CMKLR2: variants seen among roughly 807,000 people sequenced by gnomAD.
CMKLR2 encodes the protein chemerin chemokine-like receptor 2, also known as chemerin-like receptor 2.
Under a neutral mutation model 23.0 loss-of-function variants are expected in CMKLR2, and 18 were observed. The ratio of observed to expected loss-of-function variants is 0.78; its 90% confidence interval spans 0.54 to 1.16. The LOEUF (loss-of-function observed/expected upper bound fraction) is 1.16. CMKLR2 is among the 50% of genes most tolerant of loss of function. The probability of loss-of-function intolerance (pLI) is 0.00; values close to 1 mark genes in which losing one functional copy is unlikely to be tolerated. For missense variants in CMKLR2, 401 were observed against 412.7 expected (o/e 0.97, Z 0.25); for synonymous variants, 158 against 158.9 (o/e 0.99, Z 0.05).
chr2:206,201,268 T>G (rs1399263407), intron 1 of CMKLR2, among the ~76,000 whole-genome samples: 1 of 152,222 alleles, frequency 6.6e-6, no homozygotes, highest in African/African-American at 2.4e-5. Flanking sequence ...ACACCTGCCC[T>G]GAACTTTATG....
At chr2:206,206,896 C>T (rs978962492) in intron 1 of CMKLR2, among the ~76,000 whole-genome samples, 8 of 146,414 alleles carry the variant, frequency 5.5e-5, no homozygotes, top group Non-Finnish European at 1.0e-4. Flanking sequence ...TCCATTAGTT[C>T]CTGTTTCAGT....
chr2:206,187,110 G>T (rs1221909385), intron 1 of CMKLR2, among the ~76,000 whole-genome samples: 1 of 152,080 alleles, frequency 6.6e-6, no homozygotes, highest in Non-Finnish European at 1.5e-5. Context: ...ATTTTGGGAG[G>T]CCAAGACGGG....
intron 1 of CMKLR2, among the ~76,000 whole-genome samples, chr2:206,211,523 A>G (rs1689561086): frequency 6.6e-6 from 1 of 151,872 alleles, no homozygotes; most frequent in Non-Finnish European, 1.5e-5. Flanking sequence ...CAGAGTCTCT[A>G]CTAAAGGCTG....
chr2:206,217,060 T>A (rs1363863042), upstream of CMKLR2, among the ~76,000 whole-genome samples: 1 of 152,240 alleles, frequency 6.6e-6, no homozygotes, highest in Non-Finnish European at 1.5e-5. Context: ...TTAATTTTTG[T>A]CAGTGATCAT....
At chr2:206,195,101 A>G (rs889821805) in intron 1 of CMKLR2, among the ~76,000 whole-genome samples, 1 of 152,190 alleles carries the variant, frequency 6.6e-6, no homozygotes, top group Non-Finnish European at 1.5e-5. Flanking sequence ...AAACAAAGGT[A>G]GCAACTGCAA....
intron 1 of CMKLR2, among the ~76,000 whole-genome samples, chr2:206,193,662 GAAGC>G (rs1267008078): frequency 6.6e-6 from 1 of 152,150 alleles, no homozygotes; most frequent in East Asian, 1.9e-4. Context: ...ACTGATTTTG[GAAGC>G]AAGCATCATA....
chr2:206,194,492 T>C (rs1688854659), intron 1 of CMKLR2, among the ~76,000 whole-genome samples: 1 of 143,904 alleles, frequency 6.9e-6, no homozygotes, highest in Non-Finnish European at 1.5e-5. Context: ...AGAATATCGC[T>C]CTGTCACCCA....
chr2:206,181,613 C>T (rs968139370), intron 1 of CMKLR2, among the ~76,000 whole-genome samples: 7 of 152,040 alleles, frequency 4.6e-5, no homozygotes, highest in African/African-American at 1.4e-4. Flanking sequence ...GTATTATATA[C>T]GTATTCTTGC....
intron 1 of CMKLR2, among the ~76,000 whole-genome samples, chr2:206,186,571 A>G (rs1048375809): frequency 9.2e-5 from 14 of 152,144 alleles, no homozygotes; most frequent in Non-Finnish European, 1.9e-4. Context: ...CACAATGGTT[A>G]TGGCTTCAGA....
chr2:206,202,336 C>T (rs896248241), intron 1 of CMKLR2, among the ~76,000 whole-genome samples: 6 of 152,092 alleles, frequency 3.9e-5, no homozygotes, highest in African/African-American at 1.4e-4. Flanking sequence ...GATGGGGTGA[C>T]ATGGAGGCTA....
rs1160449391 is a variant in CMKLR2, at chr2:206,175,610, G to A, written c.*570C>T. 1 of 152,196 alleles carries A rather than the reference G, an allele frequency of 6.6e-6. No individual in the cohort carries two copies. Among genetic ancestry groups the A allele is most frequent in the Non-Finnish European group, 1.5e-5 (1 of 68,106 alleles). The allele number at this position is 152,196 out of a possible 1,614,324, so 9.4% of individuals were successfully genotyped here. On this transcript the variant is annotated 3_prime_UTR_variant, in exon 2 of 2. Transcript: ENST00000621141. ...CCTCCCAGGTTCAAGTGATTCTCCT[G>A]CTTCAGCCTCCCGAGTAGCTGGGTT...
chr2:206,204,206 G>T (rs1394118430), intron 1 of CMKLR2, among the ~76,000 whole-genome samples: 1 of 151,782 alleles, frequency 6.6e-6, no homozygotes, highest in Non-Finnish European at 1.5e-5. Context: ...CAAAAAATTA[G>T]CCGGGCGTGG....
At chr2:206,201,259 C>T (rs1314876315) in intron 1 of CMKLR2, among the ~76,000 whole-genome samples, 2 of 152,194 alleles carry the variant, frequency 1.3e-5, no homozygotes, top group Non-Finnish European at 2.9e-5. Context: ...TGTTAAGCAA[C>T]ACCTGCCCTG....
rs536097598 is a variant in CMKLR2 at position 206,188,136 on chromosome 2, G to C, written c.-28-10861C>G. 2.6e-4 allele frequency among the ~76,000 whole-genome samples: 39 copies of C among 152,100 alleles called. 1 individual carries two copies. The highest frequency in any genetic ancestry group is 4.6e-4 in the Non-Finnish European group (31 of 68,010). On this transcript the variant is annotated intron_variant, in intron 1 of 1. Coordinates refer to ENST00000621141, the MANE Select transcript of CMKLR2 (RefSeq NM_001389445.1). ...TTTAGTAGAGACAAGGTTTTGCCAC[G>C]TTGGACAGGCTGGCCTTGAACTCCT...
intron 1 of CMKLR2, among the ~76,000 whole-genome samples, chr2:206,185,243 T>A (rs542714343): frequency 6.6e-6 from 1 of 152,332 alleles, no homozygotes; most frequent in South Asian, 2.1e-4. Context: ...CACCTCAGCA[T>A]CCCAAATGCT....
rs1689638405 is a variant in CMKLR2, at chr2:206,213,335, A to G, written c.-57T>C. The G allele has an allele frequency of 6.6e-6, 1 of 152,206 alleles. No homozygotes were observed. The highest frequency in any genetic ancestry group is 2.4e-5 in the African/African-American group (1 of 41,436). The allele number at this position is 152,206 out of a possible 1,614,324, so 9.4% of individuals were successfully genotyped here. On this transcript the variant is annotated 5_prime_UTR_variant, in exon 1 of 2. Coordinates refer to ENST00000621141, the MANE Select transcript of CMKLR2 (RefSeq NM_001389445.1). ...TTAAATTTCTGTGAGGAGAGAAGCTATTGTCATGCCTGGGTGTACCTTCCC... is the reference window on the plus strand; with the variant it reads ...TTAAATTTCTGTGAGGAGAGAAGCTGTTGTCATGCCTGGGTGTACCTTCCC...
intron 1 of CMKLR2, among the ~76,000 whole-genome samples, chr2:206,201,643 G>A (rs1293541971): frequency 1.3e-5 from 2 of 151,590 alleles, no homozygotes; most frequent in East Asian, 3.9e-4. Flanking sequence ...TCAACAACGG[G>A]ATGAGACAGC....
intron 1 of CMKLR2, among the ~76,000 whole-genome samples, chr2:206,207,558 C>G (rs1689374015): frequency 6.6e-6 from 1 of 152,006 alleles, no homozygotes; most frequent in South Asian, 2.1e-4. Context: ...TTCCTGAGTA[C>G]TTGTTAAGTA....
intron 1 of CMKLR2, among the ~76,000 whole-genome samples, chr2:206,200,538 AT>A (rs974113818): frequency 6.6e-6 from 1 of 152,256 alleles, no homozygotes; most frequent in Non-Finnish European, 1.5e-5. Flanking sequence ...ATCTCCAGGT[AT>A]TCAAATTCAA....
Sources: allele counts gnomAD v4.1 joint callset (sites outside exome capture counted in the v4.1 genomes callset), GRCh38; gene constraint gnomAD v4.1.1; transcripts MANE v1.5; gene names NCBI Gene and HGNC (gene_info 2026-07-23, HGNC 2026-07-21).